Variants in SAMD3 observed in about 807,000 individuals in gnomAD.
SAMD3 encodes the protein sterile alpha motif domain containing 3.
Under a neutral mutation model 58.5 loss-of-function variants are expected in SAMD3, and 63 were observed. That is an observed-to-expected ratio of 1.08 (90% CI 0.88 to 1.33). The LOEUF is 1.33. Among genes scored for constraint, SAMD3 ranks in the 40% most tolerant of loss-of-function variants. The probability of loss-of-function intolerance (pLI) is 0.00; values close to 1 mark genes in which losing one functional copy is unlikely to be tolerated. For missense variants in SAMD3, 604 were observed against 608.4 expected, an observed-to-expected ratio of 0.99 and a Z score of 0.08; for synonymous variants, 220 against 210.3, an observed-to-expected ratio of 1.05 and a Z score of -0.40.
At chr6:130,220,300 A>G (rs1388067664) in intron 1 of SAMD3, among the ~76,000 whole-genome samples, 1 of 152,134 alleles carries the variant, frequency 6.6e-6, no homozygotes, top group African/African-American at 2.4e-5. Flanking sequence ...AGCCTGGCCA[A>G]TTTTTACATT....
intron 8 of SAMD3, among the ~76,000 whole-genome samples, chr6:130,172,632 C>A (rs1791352687): frequency 6.6e-6 from 1 of 152,160 alleles, no homozygotes; most frequent in South Asian, 2.1e-4. Flanking sequence ...TCTGGCTGCC[C>A]TTAACATTTT....
At chr6:130,360,068 T>A (rs1375733858) in intron 1 of SAMD3, among the ~76,000 whole-genome samples, 1 of 152,188 alleles carries the variant, frequency 6.6e-6, no homozygotes. Flanking sequence ...ATGCAAAGAA[T>A]AAATGTAATG....
At chr6:130,157,069 CAAAA>C (rs1206591341) in intron 8 of SAMD3, among the ~76,000 whole-genome samples, 5 of 110,994 alleles carry the variant, frequency 4.5e-5, no homozygotes, top group African/African-American at 1.4e-4. Flanking sequence ...GACTCCGTCT[CAAAA>C]AATAAATAAA....
intron 2 of SAMD3, among the ~76,000 whole-genome samples, chr6:130,258,913 C>G (rs1481702343): frequency 6.6e-6 from 1 of 151,960 alleles, no homozygotes; most frequent in Non-Finnish European, 1.5e-5. Context: ...ATTAATAGTA[C>G]TGAATAAGAG....
chr6:130,154,947 C>T lies in SAMD3; in HGVS notation c.901G>A (p.Asp301Asn), dbSNP rs969960302. The change falls in exon 9 of 12, where the codon GAC (aspartate) becomes AAC (asparagine). Residue 301 changes from aspartate (D) to asparagine (N), a missense_variant. By Grantham distance (23) the Asp-to-Asn change is conservative. Coordinates refer to ENST00000439090, the MANE Select transcript of SAMD3 (RefSeq NM_001017373.4). ...FQQEYVKTEK[D>N]WREIDKRMSQ... The stretch of plus-strand genomic sequence containing the variant: ...ATTCTCTTGTCAATTTCTCTCCAGT[C>T]CTTTTCTGTTTTCACGTATTCTTGC... The T allele has an allele frequency of 1.2e-6, 2 of 1,613,466 alleles. No individual in the cohort carries two copies. Among genetic ancestry groups the T allele is most frequent in the Non-Finnish European group, 1.7e-6 (2 of 1,179,720 alleles).
At chr6:130,239,249 G>A (rs62431210) in intron 2 of SAMD3, among the ~76,000 whole-genome samples, 2,322 of 152,158 alleles carry the variant, frequency 0.015, 19 homozygotes, top group Non-Finnish European at 0.022. Flanking sequence ...CACTCTTTCC[G>A]GCATATTGTG....
intron 2 of SAMD3, among the ~76,000 whole-genome samples, chr6:130,276,384 T>C (rs1036892100): frequency 2.0e-5 from 3 of 152,200 alleles, no homozygotes; most frequent in Admixed American, 2.0e-4. Flanking sequence ...CTAGTACAAG[T>C]ATAAAGCTTT....
intron 1 of SAMD3, among the ~76,000 whole-genome samples, chr6:130,334,822 A>G (rs11965759): frequency 0.032 from 4,831 of 152,300 alleles, 253 homozygotes; most frequent in African/African-American, 0.11. Context: ...AGTTCTTTTT[A>G]TGCTGCACCA....
At chr6:130,258,983 A>G (rs1774017837) in intron 2 of SAMD3, among the ~76,000 whole-genome samples, 1 of 152,180 alleles carries the variant, frequency 6.6e-6, no homozygotes. Context: ...TGACTTTTAC[A>G]GTGGAAACAA....
intron 5 of SAMD3, among the ~76,000 whole-genome samples, chr6:130,191,519 A>T (rs1006580750): frequency 6.6e-6 from 1 of 152,132 alleles, no homozygotes; most frequent in African/African-American, 2.4e-5. Flanking sequence ...AGTAGATAAT[A>T]TTGCCTTAGG....
chr6:130,209,566 C>T lies in SAMD3; in HGVS notation c.312G>A (p.Glu104=). 6.2e-7 allele frequency: 1 copy of T among 1,613,862 alleles called. No individual in the cohort carries two copies. The highest frequency in any genetic ancestry group is 8.5e-7 in the Non-Finnish European group (1 of 1,179,736). ...EESSSPARHG[E]QMPSFYPAEN... ...CAGCTGGATAGAAAGATGGCATCTG[C>T]TCCCCATGCCTGGCTGGACTGGAGG... Residue 104 remains glutamate (E), a synonymous_variant, in exon 5 of 12, where the codon GAG becomes GAA. Transcript: ENST00000439090.
intron 1 of SAMD3, among the ~76,000 whole-genome samples, chr6:130,347,470 G>T (rs1777492031): frequency 6.6e-6 from 1 of 152,136 alleles, no homozygotes; most frequent in Non-Finnish European, 1.5e-5. Flanking sequence ...TGGAAGAAAG[G>T]GTGTCAGTGA....
intron 2 of SAMD3, among the ~76,000 whole-genome samples, chr6:130,300,131 C>A (rs1022378620): frequency 2.0e-5 from 3 of 152,076 alleles, no homozygotes; most frequent in African/African-American, 7.2e-5. Context: ...CATCCTGATA[C>A]CAAAATCTGG....
chr6:130,283,521 A>G (rs1775057490), intron 2 of SAMD3, among the ~76,000 whole-genome samples: 2 of 152,228 alleles, frequency 1.3e-5, no homozygotes, highest in African/African-American at 4.8e-5. Context: ...CAGATTACCT[A>G]AAAAGAAACA....
intron 1 of SAMD3, among the ~76,000 whole-genome samples, chr6:130,328,433 C>T (rs1253957121): frequency 6.6e-6 from 1 of 152,180 alleles, no homozygotes; most frequent in Non-Finnish European, 1.5e-5. Flanking sequence ...TAAGATGCTA[C>T]CACTTATGTG....
At chr6:130,278,790 G>A (rs1043842469) in intron 2 of SAMD3, among the ~76,000 whole-genome samples, 14 of 151,850 alleles carry the variant, frequency 9.2e-5, no homozygotes, top group Admixed American at 8.6e-4. Flanking sequence ...ATTCTTCCAC[G>A]TGCCTGGAAA....
intron 2 of SAMD3, among the ~76,000 whole-genome samples, chr6:130,306,413 T>G (rs2114981075): frequency 6.6e-6 from 1 of 152,292 alleles, no homozygotes; most frequent in Middle Eastern, 3.4e-3. Flanking sequence ...AAAATGATAT[T>G]ACCTGATGCC....
intron 2 of SAMD3, among the ~76,000 whole-genome samples, chr6:130,236,951 T>C (rs949693283): frequency 1.3e-5 from 2 of 152,214 alleles, no homozygotes; most frequent in African/African-American, 4.8e-5. Context: ...TTGCATTTCA[T>C]TGCAATCAAT....
intron 1 of SAMD3, among the ~76,000 whole-genome samples, chr6:130,318,601 G>T (rs993668654): frequency 6.6e-6 from 1 of 152,090 alleles, no homozygotes; most frequent in Admixed American, 6.5e-5. Context: ...GCTAATTTTT[G>T]TATTTTTAGT....
Sources: allele counts gnomAD v4.1 joint callset (sites outside exome capture counted in the v4.1 genomes callset), GRCh38; gene constraint gnomAD v4.1.1; transcripts MANE v1.5; gene names NCBI Gene and HGNC (gene_info 2026-07-23, HGNC 2026-07-21).